FCHSD2: variants seen among roughly 807,000 people sequenced by gnomAD.
FCHSD2 encodes F-BAR and double SH3 domains protein 2.
FCHSD2 carries 38 observed loss-of-function variants against 108.1 expected under a neutral mutation model. That is an observed-to-expected ratio of 0.35 (90% CI 0.27 to 0.46). The LOEUF (loss-of-function observed/expected upper bound fraction) is 0.46. FCHSD2 is among the 20% of genes least tolerant of loss of function. The probability of loss-of-function intolerance (pLI) is 1.00; values close to 1 mark genes in which losing one functional copy is unlikely to be tolerated. For synonymous variants in FCHSD2, 279 were observed against 314.7 expected, an observed-to-expected ratio of 0.89 and a Z score of 1.20; for missense variants, 751 against 897.8, an observed-to-expected ratio of 0.84 and a Z score of 2.09.
At chr11:73,084,210 T>C (rs1054633954) in intron 2 of FCHSD2, among the ~76,000 whole-genome samples, 3 of 152,148 alleles carry the variant, frequency 2.0e-5, no homozygotes, top group Non-Finnish European at 4.4e-5. Flanking sequence ...ATGAAAACAA[T>C]GTGAAAATCA....
intron 2 of FCHSD2, among the ~76,000 whole-genome samples, chr11:73,136,746 C>T (rs1861128237): frequency 6.6e-6 from 1 of 152,040 alleles, no homozygotes; most frequent in Non-Finnish European, 1.5e-5. Context: ...AACCCAAGTT[C>T]GGGCCAGGCG....
At chr11:72,959,219 TC>T (rs1856775129) in intron 8 of FCHSD2, among the ~76,000 whole-genome samples, 1 of 106,486 alleles carries the variant, frequency 9.4e-6, no homozygotes, top group African/African-American at 3.6e-5. Context: ...TATCCAGCAG[TC>T]TTTTTTTTTT....
intron 2 of FCHSD2, among the ~76,000 whole-genome samples, chr11:73,105,391 A>AC (rs1860318794): frequency 6.6e-6 from 1 of 152,158 alleles, no homozygotes; most frequent in Non-Finnish European, 1.5e-5. Context: ...CCCTCTATAT[A>AC]AGACACCACC....
chr11:72,911,922 A>G (rs1565319076), intron 9 of FCHSD2, among the ~76,000 whole-genome samples: 1 of 152,200 alleles, frequency 6.6e-6, no homozygotes, highest in African/African-American at 2.4e-5. Context: ...ATTGTAAATG[A>G]CATTACTTTC....
chr11:73,062,002 T>G (rs1859177704), intron 3 of FCHSD2, among the ~76,000 whole-genome samples: 1 of 152,120 alleles, frequency 6.6e-6, no homozygotes, highest in Non-Finnish European at 1.5e-5. Flanking sequence ...TGACCCCTGT[T>G]CCTCCTGACT....
rs1419817769 is a variant in FCHSD2, at chr11:72,952,976, A to G, written c.706-31026T>C. Among the ~76,000 whole-genome samples the G allele has an allele frequency of 2.6e-5, 4 of 152,304 alleles. No individual in the cohort carries two copies. In the East Asian group the frequency reaches 7.7e-4, roughly 29 times the overall value. ...CTCAGACAATCCTGAAGCAAACACA[A>G]CTACTCCTCTATGGTGCTGGCAGAC... On this transcript the variant is annotated intron_variant, in intron 8 of 19. Coordinates refer to ENST00000409418, the MANE Select transcript of FCHSD2 (RefSeq NM_014824.3).
At chr11:72,902,842 T>C (rs1855554490) in intron 9 of FCHSD2, among the ~76,000 whole-genome samples, 1 of 152,208 alleles carries the variant, frequency 6.6e-6, no homozygotes, top group Non-Finnish European at 1.5e-5. Flanking sequence ...CAAAAATAAA[T>C]TTGGAAAGTG....
intron 3 of FCHSD2, among the ~76,000 whole-genome samples, chr11:73,072,476 CAACT>C (rs1298650187): frequency 1.1e-4 from 16 of 151,576 alleles, no homozygotes; most frequent in Non-Finnish European, 2.1e-4. Flanking sequence ...CAAACTGTAC[CAACT>C]ATTTCAGGAG....
chr11:72,913,795 A>G (rs1195117555), intron 9 of FCHSD2, among the ~76,000 whole-genome samples: 43 of 151,078 alleles, frequency 2.8e-4, no homozygotes, highest in African/African-American at 9.7e-4. Context: ...CCCTTTCACA[A>G]CTGATATACA....
Position 72,842,603 on chromosome 11 carries a change from G to C in FCHSD2, c.1926+18C>G, listed in dbSNP as rs758540990. The C allele has an allele frequency of 6.2e-7, 1 of 1,613,740 alleles. No homozygotes were observed. Among genetic ancestry groups the C allele is most frequent in the Non-Finnish European group, 8.5e-7 (1 of 1,179,788 alleles). On this transcript the variant is annotated intron_variant, in intron 17 of 19. Transcript: ENST00000409418. The stretch of plus-strand genomic sequence containing the variant: ...TCTTTAAACATCTTTTAATTCAACT[G>C]TCTCCCCTCTCAGGTACCTGAATCT...
chr11:72,932,137 C>G (rs1856205975), intron 8 of FCHSD2, among the ~76,000 whole-genome samples: 1 of 152,156 alleles, frequency 6.6e-6, no homozygotes, highest in African/African-American at 2.4e-5. Context: ...TGCCTTGTCC[C>G]CCACATACTG....
At chr11:73,074,322 CTGTA>C in intron 3 of FCHSD2, among the ~76,000 whole-genome samples, 1 of 152,312 alleles carries the variant, frequency 6.6e-6, no homozygotes, top group African/African-American at 2.4e-5. Flanking sequence ...GAATAAAACT[CTGTA>C]TGTGCAAGGA....
chr11:72,997,852 C>A (rs1857549854), intron 5 of FCHSD2, among the ~76,000 whole-genome samples: 1 of 152,112 alleles, frequency 6.6e-6, no homozygotes, highest in Non-Finnish European at 1.5e-5. Context: ...AGGCATGAAC[C>A]ACCACACCTG....
chr11:72,928,830 T>A (rs1310100156), intron 8 of FCHSD2, among the ~76,000 whole-genome samples: 1 of 141,978 alleles, frequency 7.0e-6, no homozygotes, highest in East Asian at 1.9e-4. Flanking sequence ...CAGTAACTCG[T>A]CATTTAGCAT....
At chr11:72,861,296 A>C (rs769926363) in intron 13 of FCHSD2, among the ~76,000 whole-genome samples, 39 of 152,044 alleles carry the variant, frequency 2.6e-4, no homozygotes, top group Non-Finnish European at 4.6e-4. Flanking sequence ...GGAATGGACA[A>C]ATTCCTTAAA....
At chr11:72,846,077 TAGATAGATAGATAGATA>T (rs1470911135) in intron 14 of FCHSD2, among the ~76,000 whole-genome samples, 1,247 of 3,186 alleles carry the variant, frequency 0.39, 13 homozygotes, top group South Asian at 0.5. Flanking sequence ...GATAGATAGA[TAGATAGATAGATAGATA>T]AGTAGTTACG....
intron 3 of FCHSD2, among the ~76,000 whole-genome samples, chr11:73,049,130 G>C (rs1858833308): frequency 6.6e-6 from 1 of 152,184 alleles, no homozygotes; most frequent in Non-Finnish European, 1.5e-5. Context: ...TATGTAAAAA[G>C]ACGTAGTGGT....
intron 5 of FCHSD2, among the ~76,000 whole-genome samples, chr11:73,000,158 G>C (rs1482298742): frequency 6.6e-6 from 1 of 152,092 alleles, no homozygotes; most frequent in Non-Finnish European, 1.5e-5. Context: ...TGGTGGGAAA[G>C]GTGTTTGTAA....
At chr11:72,911,890 G>A (rs1473220128) in intron 9 of FCHSD2, among the ~76,000 whole-genome samples, 2 of 152,012 alleles carry the variant, frequency 1.3e-5, no homozygotes, top group African/African-American at 4.8e-5. Flanking sequence ...TAATTCCTAT[G>A]TATTTTAATG....
Sources: gnomAD v4.1 joint callset for allele counts (sites outside exome capture counted in the v4.1 genomes callset) on GRCh38, gnomAD v4.1.1 for gene constraint, MANE v1.5 for transcripts, NCBI Gene and HGNC (gene_info 2026-07-23, HGNC 2026-07-21) for gene names.